ARL15: variants seen among roughly 807,000 people sequenced by gnomAD.
ARL15 encodes ARF like GTPase 15.
Under a neutral mutation model 25.2 loss-of-function variants are expected in ARL15, and 19 were observed. The observed-to-expected ratio is 0.75, with a 90% CI of 0.53 to 1.10. ARL15 has a LOEUF of 1.10. Ranked by LOEUF, ARL15 falls within the 50% of genes least tolerant of loss-of-function variation. The probability of loss-of-function intolerance (pLI) is 0.00; values close to 1 mark genes in which losing one functional copy is unlikely to be tolerated. For synonymous variants in ARL15, 94 were observed against 86.8 expected (o/e 1.08, Z -0.46); for missense variants, 220 against 246.0 (o/e 0.89, Z 0.71).
intron 4 of ARL15, among the ~76,000 whole-genome samples, chr5:54,089,935 A>G (rs1752083086): frequency 1.3e-5 from 2 of 152,194 alleles, no homozygotes; most frequent in South Asian, 4.1e-4. Flanking sequence ...GATTTGCAAA[A>G]TTTTAAAACC....
intron 1 of ARL15, among the ~76,000 whole-genome samples, chr5:54,256,823 A>T (rs944788973): frequency 1.1e-4 from 17 of 149,782 alleles, no homozygotes; most frequent in African/African-American, 4.3e-4. Flanking sequence ...TCACATAAAC[A>T]GAGCTGTAAA....
chr5:54,184,464 A>C, intron 1 of ARL15, among the ~76,000 whole-genome samples: 1 of 133,136 alleles, frequency 7.5e-6, no homozygotes. Flanking sequence ...AAAAAAAAAA[A>C]AAAAAAGAGA....
chr5:53,971,906 A>T lies in ARL15; in HGVS notation c.463-85193T>A, dbSNP rs1747765888. Reference sequence around the variant, plus strand: ...AATTGCAATGTTCATTTTCCCAAATAAGCCTAAAAGATGGATTAGGAATCA... The same window carrying T: ...AATTGCAATGTTCATTTTCCCAAATTAGCCTAAAAGATGGATTAGGAATCA... On this transcript the variant is annotated intron_variant, in intron 4 of 4. Coordinates refer to ENST00000504924, the MANE Select transcript of ARL15 (RefSeq NM_019087.3). 2.0e-5 allele frequency among the ~76,000 whole-genome samples: 3 copies of T among 152,368 alleles called. No homozygotes were observed. The South Asian group carries it at 6.2e-4, about 32-fold the overall frequency.
rs576246092 is a variant in ARL15, at chr5:54,010,794, G to A, written c.462+102408C>T. On this transcript the variant is annotated intron_variant, in intron 4 of 4. Coordinates refer to ENST00000504924, the MANE Select transcript of ARL15 (RefSeq NM_019087.3). ...TGGGAGGCTGAGGCGCGCGGATCAC[G>A]AGGTCAGGAGATGGAGAACACGGTG... 3.3e-5 allele frequency among the ~76,000 whole-genome samples: 5 copies of A among 152,104 alleles called. No homozygotes were observed. The South Asian group carries it at 1.0e-3, about 32-fold the overall frequency.
At chr5:54,024,419 G>C (rs1356039812) in intron 4 of ARL15, among the ~76,000 whole-genome samples, 1 of 152,138 alleles carries the variant, frequency 6.6e-6, no homozygotes, top group Non-Finnish European at 1.5e-5. Flanking sequence ...GTACTGCGAT[G>C]TTAGATTTAT....
At chr5:53,966,807 A>T (rs1182867527) in intron 4 of ARL15, among the ~76,000 whole-genome samples, 1 of 152,218 alleles carries the variant, frequency 6.6e-6, no homozygotes, top group African/African-American at 2.4e-5. Flanking sequence ...AAGCCCTAAA[A>T]CAATGCATCC....
At chr5:53,887,492 G>T in intron 4 of ARL15, 1 of 631,618 alleles carries the variant, frequency 1.6e-6, no homozygotes, top group Non-Finnish European at 2.8e-6. Flanking sequence ...ACTGACTAAC[G>T]GCATTTAGTA....
At chr5:53,907,488 A>ATTTTTTTTTTTTTTTT (rs869174212) in intron 4 of ARL15, among the ~76,000 whole-genome samples, 2 of 18,016 alleles carry the variant, frequency 1.1e-4, no homozygotes, top group African/African-American at 2.9e-4. Context: ...ATATATATAT[A>ATTTTTTTTTTTTTTTT]TTTTTTTTTT....
intron 1 of ARL15, among the ~76,000 whole-genome samples, chr5:54,310,085 C>G (rs1006626253): frequency 6.6e-6 from 1 of 152,336 alleles, no homozygotes; most frequent in Non-Finnish European, 1.5e-5. Flanking sequence ...CCTGCTCCCC[C>G]GGAAAGAAAG....
intron 3 of ARL15, among the ~76,000 whole-genome samples, chr5:54,138,099 A>G (rs1200202054): frequency 6.6e-6 from 1 of 152,184 alleles, no homozygotes; most frequent in Non-Finnish European, 1.5e-5. Context: ...AATGCTACAA[A>G]TTACTTAATA....
intron 4 of ARL15, among the ~76,000 whole-genome samples, chr5:54,082,384 A>C (rs970861019): frequency 1.3e-5 from 2 of 152,142 alleles, no homozygotes; most frequent in Non-Finnish European, 2.9e-5. Context: ...TTATAGGTTG[A>C]CTTTTTTTTA....
At position 54,030,869 on chromosome 5, in the gene ARL15, G is replaced by A. The variant is rs752556302; in HGVS notation, c.462+82333C>T. Among the ~76,000 whole-genome samples, 4 of 152,178 alleles carry A rather than the reference G, an allele frequency of 2.6e-5. No homozygotes were observed. The South Asian group carries it at 6.2e-4, about 24-fold the overall frequency. ...CATTAACGTTGAAAGTGCCATTCAA[G>A]CTAATGAAAAAACTAGAAAGTAATG... On this transcript the variant is annotated intron_variant, in intron 4 of 4. Transcript: ENST00000504924.
At chr5:54,022,091 G>C (rs1302832569) in intron 4 of ARL15, among the ~76,000 whole-genome samples, 1 of 152,108 alleles carries the variant, frequency 6.6e-6, no homozygotes, top group East Asian at 1.9e-4. Flanking sequence ...CAGACGAAGG[G>C]AAACTCAGAG....
chr5:54,148,313 G>A (rs1753968577), intron 3 of ARL15, among the ~76,000 whole-genome samples: 2 of 152,118 alleles, frequency 1.3e-5, no homozygotes, highest in South Asian at 2.1e-4. Flanking sequence ...ATGAGGAGGC[G>A]TATTCCTCCA....
intron 1 of ARL15, among the ~76,000 whole-genome samples, chr5:54,209,333 AAG>A (rs71600812): frequency 0.35 from 51,926 of 148,180 alleles, 9,013 homozygotes; most frequent in Middle Eastern, 0.49. Flanking sequence ...TAAAAAGAGA[AAG>A]AGAGAGAGAG....
intron 1 of ARL15, among the ~76,000 whole-genome samples, chr5:54,247,675 TC>T (rs1229203201): frequency 6.6e-6 from 1 of 151,712 alleles, no homozygotes; most frequent in Non-Finnish European, 1.5e-5. Context: ...AGCTAAAAAT[TC>T]CCCTTCAAAA....
At chr5:54,239,838 G>C (rs1756908407) in intron 1 of ARL15, among the ~76,000 whole-genome samples, 1 of 152,168 alleles carries the variant, frequency 6.6e-6, no homozygotes, top group East Asian at 1.9e-4. Flanking sequence ...CCCCATACTA[G>C]CCCTAGACTA....
chr5:53,900,746 T>C (rs1275782164), intron 4 of ARL15, among the ~76,000 whole-genome samples: 1 of 152,174 alleles, frequency 6.6e-6, no homozygotes, highest in East Asian at 1.9e-4. Flanking sequence ...GTCTTCCCAA[T>C]TAATCAAGCC....
chr5:54,004,563 G>A (rs1748955453), intron 4 of ARL15, among the ~76,000 whole-genome samples: 3 of 151,914 alleles, frequency 2.0e-5, no homozygotes, highest in African/African-American at 7.3e-5. Context: ...CAGTGAGGTT[G>A]AATAACTTGC....
Sources: allele counts gnomAD v4.1 joint callset (sites outside exome capture counted in the v4.1 genomes callset), GRCh38; gene constraint gnomAD v4.1.1; transcripts MANE v1.5; gene names NCBI Gene and HGNC (gene_info 2026-07-23, HGNC 2026-07-21).